The following DNER variants were observed in gnomAD, a reference collection of about 807,000 sequenced individuals.
The protein encoded by DNER is delta/notch like EGF repeat containing.
DNER carries 33 observed loss-of-function variants against 78.2 expected under a neutral mutation model. The observed-to-expected ratio is 0.42, with a 90% CI of 0.32 to 0.56. DNER has a LOEUF of 0.56. DNER is among the 20% of genes least tolerant of loss of function. DNER has a pLI of 0.11. For synonymous variants in DNER, 417 were observed against 384.8 expected, an observed-to-expected ratio of 1.08 and a Z score of -0.98; for missense variants, 918 against 975.3, an observed-to-expected ratio of 0.94 and a Z score of 0.78.
rs58019962 is a variant in DNER, at chr2:229,499,931, CTTT to C, written c.1147+12849_1147+12851del. On this transcript the variant is annotated intron_variant, in intron 6 of 12. Coordinates refer to ENST00000341772, the MANE Select transcript of DNER (RefSeq NM_139072.4). Reference sequence around the variant, plus strand: ...CAAAAAATCTGAATAGACTTTCTTTCTTTTTTTTTTTTTTTCTCTTCAAGACAG... The same window carrying C: ...CAAAAAATCTGAATAGACTTTCTTTCTTTTTTTTTTTTCTCTTCAAGACAG... Among the ~76,000 whole-genome samples the C allele has an allele frequency of 5.2e-5, 7 of 134,806 alleles. 1 individual carries two copies. The South Asian group carries it at 6.8e-4, about 13-fold the overall frequency. The allele number at this position is 134,806 out of a possible 152,430, so 88.4% of individuals were successfully genotyped here.
chr2:229,635,597 A>C (rs76154643), intron 1 of DNER, among the ~76,000 whole-genome samples: 7 of 152,146 alleles, frequency 4.6e-5, no homozygotes, highest in Non-Finnish European at 1.0e-4. Flanking sequence ...CCCATAGCAT[A>C]ATTGGAATGG....
chr2:229,589,353 T>G (rs1438177200), intron 2 of DNER, among the ~76,000 whole-genome samples: 7 of 152,244 alleles, frequency 4.6e-5, no homozygotes, highest in Non-Finnish European at 8.8e-5. Flanking sequence ...TACAATCAGA[T>G]TCTATGGATT....
chr2:229,613,236 TCCAAACA>T (rs1191880165), intron 1 of DNER, among the ~76,000 whole-genome samples: 1 of 151,976 alleles, frequency 6.6e-6, no homozygotes, highest in African/African-American at 2.4e-5. Context: ...AAAAATAAAA[TCCAAACA>T]GCAGTACCAA....
At chr2:229,480,697 A>G (rs192498051) in intron 6 of DNER, among the ~76,000 whole-genome samples, 1 of 152,218 alleles carries the variant, frequency 6.6e-6, no homozygotes, top group African/African-American at 2.4e-5. Flanking sequence ...GTCTTGCAGG[A>G]CTTGAGATGG....
At position 229,435,188 on chromosome 2, in the gene DNER, C is replaced by A. The variant is rs10182144; in HGVS notation, c.1486+12128G>T. Among the ~76,000 whole-genome samples, 348 of 152,232 alleles carry A rather than the reference C, an allele frequency of 2.3e-3. 2 individuals are homozygous for A. Among genetic ancestry groups the A allele is most frequent in the South Asian group, 6.6e-3 (32 of 4,816 alleles). On this transcript the variant is annotated intron_variant, in intron 8 of 12. Coordinates refer to ENST00000341772, the MANE Select transcript of DNER (RefSeq NM_139072.4). ...TTGTGTTCTGTTGCTGCTTTCGGAA[C>A]CCTACAATCGTGGGAAGAAGCCCCG...
chr2:229,559,961 T>C (rs1001122449), intron 4 of DNER, among the ~76,000 whole-genome samples: 4 of 152,362 alleles, frequency 2.6e-5, no homozygotes, highest in East Asian at 3.9e-4. Context: ...GCCATCATTA[T>C]GGCCCTTTTA....
At chr2:229,576,466 G>A (rs1475184633) in intron 4 of DNER, among the ~76,000 whole-genome samples, 2 of 151,922 alleles carry the variant, frequency 1.3e-5, no homozygotes, top group African/African-American at 2.4e-5. Context: ...TTTTGCAGCT[G>A]GGAATTTTCT....
intron 1 of DNER, among the ~76,000 whole-genome samples, chr2:229,607,983 C>T (rs953126082): frequency 1.6e-4 from 24 of 148,654 alleles, no homozygotes; most frequent in Admixed American, 1.5e-3. Flanking sequence ...GATCATACCA[C>T]TCCACTCCAG....
chr2:229,433,524 G>A (rs1236045108), intron 8 of DNER, among the ~76,000 whole-genome samples: 1 of 152,202 alleles, frequency 6.6e-6, no homozygotes, highest in African/African-American at 2.4e-5. Context: ...TATAGCTGTG[G>A]CACAATGTGT....
chr2:229,405,319 T>G (rs13432655), intron 10 of DNER, among the ~76,000 whole-genome samples: 22,061 of 152,182 alleles, frequency 0.14, 2,291 homozygotes, highest in East Asian at 0.53. Context: ...ATCGGTTCAA[T>G]GTTTGTTTGT....
chr2:229,429,359 A>T (rs1248686336), intron 8 of DNER, among the ~76,000 whole-genome samples: 1 of 152,218 alleles, frequency 6.6e-6, no homozygotes, highest in East Asian at 1.9e-4. Context: ...CACATCTTCC[A>T]TTAAGGCCAT....
rs564733819 is a variant in DNER at position 229,700,471 on chromosome 2, G to A, written c.276+13677C>T. On this transcript the variant is annotated intron_variant, in intron 1 of 12. Coordinates refer to ENST00000341772, the MANE Select transcript of DNER (RefSeq NM_139072.4). ...CCGCCTCAGCTTCCCAAGTAGCTGG[G>A]TTTATAGGTGTGTGCTACCACACTC... 6.6e-5 allele frequency among the ~76,000 whole-genome samples: 10 copies of A among 151,888 alleles called. 1 individual carries two copies. Among genetic ancestry groups the A allele is most frequent in the Admixed American group, 5.2e-4 (8 of 15,268 alleles).
Position 229,591,505 on chromosome 2 carries a change from G to T in DNER, c.585+75C>A, listed in dbSNP as rs113385182. On this transcript the variant is annotated intron_variant, in intron 2 of 12. Transcript: ENST00000341772. The surrounding 1 kb of genome is among the most constrained non-coding windows in gnomAD (Gnocchi z 4.6). ...TAAAATGCTTTCATTTTTAATTGCT[G>T]ATACTAGAACCGCTGGAGTCACTTT... The T allele has an allele frequency of 1.0e-3, 1,527 of 1,474,162 alleles. 27 individuals are homozygous for T. The African/African-American group carries it at 0.019, about 18-fold the overall frequency. The allele number at this position is 1,474,162 out of a possible 1,614,324, so 91.3% of individuals were successfully genotyped here.
chr2:229,537,182 G>A (rs756466246), intron 5 of DNER, among the ~76,000 whole-genome samples: 1 of 152,110 alleles, frequency 6.6e-6, no homozygotes, highest in Non-Finnish European at 1.5e-5. Context: ...TGCACATTAA[G>A]GTTTGAGAAT....
At chr2:229,466,094 C>T (rs533314733) in intron 7 of DNER, among the ~76,000 whole-genome samples, 2 of 152,246 alleles carry the variant, frequency 1.3e-5, no homozygotes, top group African/African-American at 4.8e-5. Flanking sequence ...CATTCTTCCC[C>T]CCTAAACACA....
At position 229,558,256 on chromosome 2, in the gene DNER, T is replaced by C. The variant is rs916642162; in HGVS notation, c.848-11164A>G. ...GTGGAGGGTAGGAGGAGAGAGAGGA[T>C]CAGGAAGAATAACTAATGAGTACAA... On this transcript the variant is annotated intron_variant, in intron 4 of 12. Coordinates refer to ENST00000341772, the MANE Select transcript of DNER (RefSeq NM_139072.4). Among the ~76,000 whole-genome samples the C allele has an allele frequency of 2.6e-5, 4 of 151,888 alleles. No individual in the cohort carries two copies. In the East Asian group the frequency reaches 7.7e-4, roughly 29 times the overall value.
chr2:229,606,184 G>A (rs1330590160), intron 1 of DNER: 1 of 152,164 alleles, frequency 6.6e-6, no homozygotes, highest in African/African-American at 2.4e-5. Flanking sequence ...ACAGCCTACA[G>A]AGCTGGAAAT....
intron 3 of DNER, chr2:229,586,873 C>T (rs945927022): frequency 2.0e-6 from 2 of 985,514 alleles, no homozygotes; most frequent in Non-Finnish European, 2.4e-6. Context: ...GGGCTCCTGG[C>T]GTGCAGCAGG....
chr2:229,637,977 C>T (rs1191019208), intron 1 of DNER, among the ~76,000 whole-genome samples: 1 of 152,102 alleles, frequency 6.6e-6, no homozygotes, highest in Admixed American at 6.6e-5. Context: ...GGAATAGATG[C>T]CACATAAAAC....
Sources: allele counts gnomAD v4.1 joint callset (sites outside exome capture counted in the v4.1 genomes callset), GRCh38; gene constraint gnomAD v4.1.1; non-coding constraint Gnocchi (gnomAD v3.1); transcripts MANE v1.5; gene names NCBI Gene and HGNC (gene_info 2026-07-23, HGNC 2026-07-21).